ZBTB46: variants seen among roughly 807,000 people sequenced by gnomAD.
The protein encoded by ZBTB46 is zinc finger and BTB domain containing 46.
Under a neutral mutation model 44.1 loss-of-function variants are expected in ZBTB46, and 8 were observed. The observed-to-expected ratio is 0.18, with a 90% CI of 0.11 to 0.33. ZBTB46 has a LOEUF of 0.33. Among genes scored for constraint, ZBTB46 ranks in the 10% least tolerant of loss-of-function variants. The probability of loss-of-function intolerance (pLI) is 1.00; values close to 1 mark genes in which losing one functional copy is unlikely to be tolerated. For missense variants in ZBTB46, 651 were observed against 847.7 expected (o/e 0.77, Z 2.88); for synonymous variants, 409 against 382.3 (o/e 1.07, Z -0.81).
At position 63,825,537 on chromosome 20, in the gene ZBTB46, T is replaced by C. The variant is rs1435763711; in HGVS notation, c.-34+5560A>G. ...ACTTTGTGTCAACAACTCTGTTTTC[T>C]GGTTCTATCCCTGCACTTGCTGTTC... On this transcript the variant is annotated intron_variant, in intron 1 of 4. Transcript: ENST00000245663. Among the ~76,000 whole-genome samples the C allele has an allele frequency of 3.3e-5, 5 of 151,894 alleles. No homozygotes were observed. The East Asian group carries it at 7.7e-4, about 23-fold the overall frequency.
Position 63,752,958 on chromosome 20 carries a change from A to C in ZBTB46, c.1223-97T>G. 1 of 1,371,828 alleles carries C rather than the reference A, an allele frequency of 7.3e-7. No individual in the cohort carries two copies. The highest frequency in any genetic ancestry group is 9.8e-7 in the Non-Finnish European group (1 of 1,024,604). The allele number at this position is 1,371,828 out of a possible 1,614,324, so 85.0% of individuals were successfully genotyped here. ...TGCACGCCGCAGCCCAGCAGCCAGG[A>C]CGGGCTGTCTCCCACGGCCACCCAC... On this transcript the variant is annotated intron_variant, in intron 3 of 4. Transcript: ENST00000245663. This position sits in a 1 kb window ranked among gnomAD's most constrained non-coding sequence, Gnocchi z 5.6.
Position 63,746,799 on chromosome 20 carries a change from T to C in ZBTB46, c.*131A>G, listed in dbSNP as rs1356231256. ...CCGCAGGGCTGGTTTCCGTGGGGGGTGGGTTCAGGGGGAAGCAGAGGAGGG... is the reference window on the plus strand; with the variant it reads ...CCGCAGGGCTGGTTTCCGTGGGGGGCGGGTTCAGGGGGAAGCAGAGGAGGG... On this transcript the variant is annotated 3_prime_UTR_variant, in exon 5 of 5. Transcript: ENST00000245663. 3 of 1,300,556 alleles carry C rather than the reference T, an allele frequency of 2.3e-6. No individual in the cohort carries two copies. Among genetic ancestry groups the C allele is most frequent in the South Asian group, 3.8e-5 (2 of 52,054 alleles). 80.6% of individuals were successfully genotyped at this position (1,300,556 alleles called of 1,614,324 possible).
Position 63,803,570 on chromosome 20 carries a change from G to A in ZBTB46, c.-33-12780C>T, listed in dbSNP as rs982188372. 1.0e-4 allele frequency: 92 copies of A among 914,244 alleles called. No homozygotes were observed. Among genetic ancestry groups the A allele is most frequent in the African/African-American group, 1.4e-4 (5 of 36,858 alleles). 56.6% of individuals were successfully genotyped at this position (914,244 alleles called of 1,614,324 possible). On this transcript the variant is annotated intron_variant, in intron 1 of 4. Coordinates refer to ENST00000245663, the MANE Select transcript of ZBTB46 (RefSeq NM_001369741.1). This position sits in a 1 kb window ranked among gnomAD's most constrained non-coding sequence, Gnocchi z 4.0. Reference sequence around the variant, plus strand: ...GCCGGCCCCGGGCTGCCCAGGCCCCGGGCTGCCCAGGTCTCTGTCGGAGGC... The same window carrying A: ...GCCGGCCCCGGGCTGCCCAGGCCCCAGGCTGCCCAGGTCTCTGTCGGAGGC...
At chr20:63,758,602 C>CT (rs1266053618) in intron 3 of ZBTB46, among the ~76,000 whole-genome samples, 1 of 152,142 alleles carries the variant, frequency 6.6e-6, no homozygotes, top group Admixed American at 6.5e-5. Context: ...ATCCTAGATC[C>CT]TTTGCATCTC....
At chr20:63,812,199 A>T (rs1568898083) in intron 1 of ZBTB46, among the ~76,000 whole-genome samples, 1 of 152,264 alleles carries the variant, frequency 6.6e-6, no homozygotes, top group Non-Finnish European at 1.5e-5. Context: ...AACTTGAAAT[A>T]AGAAAATTAA....
intron 1 of ZBTB46, among the ~76,000 whole-genome samples, chr20:63,805,962 A>T (rs1224008153): frequency 2.0e-5 from 3 of 151,620 alleles, no homozygotes; most frequent in African/African-American, 7.3e-5. Flanking sequence ...TTTAGTACAG[A>T]CAGGGTTTCA....
Position 63,767,147 on chromosome 20 carries a change from C to T in ZBTB46, c.1222+8531G>A, listed in dbSNP as rs541408484. Among the ~76,000 whole-genome samples the T allele has an allele frequency of 9.2e-5, 14 of 152,342 alleles. No homozygotes were observed. Among genetic ancestry groups the T allele is most frequent in the African/African-American group, 2.9e-4 (12 of 41,576 alleles). ...TTCCACGCCGACACGTGGAGCGCCG[C>T]GCACATGCCAGGCACACACCGCCAA... On this transcript the variant is annotated intron_variant, in intron 3 of 4. Transcript: ENST00000245663. This position sits in a 1 kb window ranked among gnomAD's most constrained non-coding sequence, Gnocchi z 5.0.
chr20:63,798,685 A>AAAAAAAAAAAAAAAC lies in ZBTB46; in HGVS notation c.-33-7896_-33-7895insGTTTTTTTTTTTTTT, dbSNP rs1417351365. Among the ~76,000 whole-genome samples, 20 of 127,938 alleles carry AAAAAAAAAAAAAAAC rather than the reference A, an allele frequency of 1.6e-4. 1 individual carries two copies. The highest frequency in any genetic ancestry group is 2.6e-4 in the Non-Finnish European group (16 of 60,534). The allele number at this position is 127,938 out of a possible 152,430, so 83.9% of individuals were successfully genotyped here. On this transcript the variant is annotated intron_variant, in intron 1 of 4. Coordinates refer to ENST00000245663, the MANE Select transcript of ZBTB46 (RefSeq NM_001369741.1). Reference sequence around the variant, plus strand: ...GCTAGACTCTGTCTCAAAAAAAAAAAAAAAAAAATTAGCTGGGCATGGTAG... The same window carrying AAAAAAAAAAAAAAAC: ...GCTAGACTCTGTCTCAAAAAAAAAAAAAAAAAAAAAAAAACAAAAAAAATTAGCTGGGCATGGTAG...
At chr20:63,817,062 G>A (rs992353324) in intron 1 of ZBTB46, among the ~76,000 whole-genome samples, 46 of 151,834 alleles carry the variant, frequency 3.0e-4, no homozygotes, top group African/African-American at 9.7e-4. Flanking sequence ...CCAAGATCGC[G>A]CCACTGCAGT....
rs779084054 is a variant in ZBTB46, at chr20:63,790,207, G to A, written c.551C>T (p.Ser184Leu). 10 of 1,612,874 alleles carry A rather than the reference G, an allele frequency of 6.2e-6. No homozygotes were observed. Among genetic ancestry groups the A allele is most frequent in the South Asian group, 4.4e-5 (4 of 90,974 alleles). Reference sequence around the variant, plus strand: ...TCCGTCGTGACAGCTGGCGATGGCCGAGTCTCCGGAAGAATTGGCAGGACT... The same window carrying A: ...TCCGTCGTGACAGCTGGCGATGGCCAAGTCTCCGGAAGAATTGGCAGGACT... The part of the protein sequence containing the change: ...RTSPANSSGD[S>L]AIASCHDGGS... Residue 184 changes from serine (S) to leucine (L), a missense_variant, in exon 2 of 5, where the codon TCG (serine) becomes TTG (leucine). Physicochemically the swap from Ser to Leu is moderately radical, Grantham distance 145 (BLOSUM62 -2). This residue lies in a region of ZBTB46 where 385 missense variants were observed against 423.3 expected (regional missense o/e 0.91). Coordinates refer to ENST00000245663, the MANE Select transcript of ZBTB46 (RefSeq NM_001369741.1).
intron 3 of ZBTB46, among the ~76,000 whole-genome samples, chr20:63,758,043 G>GC (rs1479477879): frequency 0.036 from 1,650 of 46,006 alleles, 142 homozygotes; most frequent in African/African-American, 0.058. Flanking sequence ...CCCTCCACCC[G>GC]CCCATCCAGA....
At position 63,803,486 on chromosome 20, in the gene ZBTB46, C is replaced by T; in HGVS notation, c.-33-12696G>A. The T allele has an allele frequency of 1.0e-6, 1 of 985,306 alleles. No individual in the cohort carries two copies. Among genetic ancestry groups the T allele is most frequent in the East Asian group, 1.1e-4 (1 of 8,784 alleles). 61.0% of individuals were successfully genotyped at this position (985,306 alleles called of 1,614,324 possible). ...AGCAAGTGGGTGCTGGCGATGAGGACTTTAGGTTTTCCACATGGCAGCCCC... is the reference window on the plus strand; with the variant it reads ...AGCAAGTGGGTGCTGGCGATGAGGATTTTAGGTTTTCCACATGGCAGCCCC... On this transcript the variant is annotated intron_variant, in intron 1 of 4. Coordinates refer to ENST00000245663, the MANE Select transcript of ZBTB46 (RefSeq NM_001369741.1). This position sits in a 1 kb window ranked among gnomAD's most constrained non-coding sequence, Gnocchi z 4.0.
intron 1 of ZBTB46, among the ~76,000 whole-genome samples, chr20:63,796,441 C>T (rs1036631900): frequency 5.3e-5 from 8 of 152,250 alleles, no homozygotes; most frequent in African/African-American, 1.9e-4. Flanking sequence ...TCAACTCACA[C>T]TGTTTTACCA....
In ZBTB46 at chr20:63,767,070, C is replaced by T. The variant is rs1340773153; in HGVS notation, c.1222+8608G>A. 6.6e-6 allele frequency among the ~76,000 whole-genome samples: 1 copy of T among 152,248 alleles called. No homozygotes were observed. Among genetic ancestry groups the T allele is most frequent in the Admixed American group, 6.5e-5 (1 of 15,284 alleles). Reference sequence around the variant, plus strand: ...TTGAACCTAACACGTCCGACGAGGACGGGCAAGGGCACCGCGGGGCGCTCT... The same window carrying T: ...TTGAACCTAACACGTCCGACGAGGATGGGCAAGGGCACCGCGGGGCGCTCT... On this transcript the variant is annotated intron_variant, in intron 3 of 4. Transcript: ENST00000245663. This position sits in a 1 kb window ranked among gnomAD's most constrained non-coding sequence, Gnocchi z 5.0.
At chr20:63,809,102 C>CTCCACGTTCGCCT (rs2092702761) in intron 1 of ZBTB46, among the ~76,000 whole-genome samples, 1 of 152,068 alleles carries the variant, frequency 6.6e-6, no homozygotes, top group South Asian at 2.1e-4. Context: ...TCAAGGGGCT[C>CTCCACGTTCGCCT]TCCACGTTCG....
chr20:63,810,456 C>T (rs982836160), intron 1 of ZBTB46, among the ~76,000 whole-genome samples: 2 of 152,154 alleles, frequency 1.3e-5, no homozygotes, highest in Admixed American at 6.6e-5. Flanking sequence ...CTTCCCCTCG[C>T]AAACCAAGGT....
rs1440174074 is a variant in ZBTB46, at chr20:63,831,126, GGGCGCCGCGGCCGCCGGGCC to G, written c.-83_-64del. 7.0e-6 allele frequency: 1 copy of G among 141,922 alleles called. No homozygotes were observed. Among genetic ancestry groups the G allele is most frequent in the Non-Finnish European group, 1.6e-5 (1 of 64,250 alleles). The allele number at this position is 141,922 out of a possible 1,614,324, so 8.8% of individuals were successfully genotyped here. ...GACCCCATGGGGCGCGGGCGAGGGC[GGGCGCCGCGGCCGCCGGGCC>G]GGCGCCGGTGATCGCCGCCGCCGCC... On this transcript the variant is annotated 5_prime_UTR_variant, in exon 1 of 5. Transcript: ENST00000245663.
At chr20:63,805,658 T>C (rs1231788542) in intron 1 of ZBTB46, among the ~76,000 whole-genome samples, 2 of 152,004 alleles carry the variant, frequency 1.3e-5, no homozygotes, top group Non-Finnish European at 2.9e-5. Context: ...ACTCTGGAAC[T>C]GAGAGGAGAC....
At chr20:63,763,795 AAG>A (rs1349528724) in intron 3 of ZBTB46, among the ~76,000 whole-genome samples, 1 of 152,126 alleles carries the variant, frequency 6.6e-6, no homozygotes, top group African/African-American at 2.4e-5. Context: ...TGTGACTATA[AAG>A]AGTCAGAACC....
Sources: allele counts gnomAD v4.1 joint callset (sites outside exome capture counted in the v4.1 genomes callset), GRCh38; gene constraint gnomAD v4.1.1; regional missense constraint gnomAD v4.1.1; non-coding constraint Gnocchi (gnomAD v3.1); transcripts MANE v1.5; gene names NCBI Gene and HGNC (gene_info 2026-07-23, HGNC 2026-07-21).